The following LRRIQ1 variants were observed in gnomAD, a reference collection of about 807,000 sequenced individuals.
LRRIQ1 encodes the protein leucine-rich repeat- and IQ domain-containing protein 1.
In LRRIQ1, 210 loss-of-function variants were observed where a neutral mutation model predicts 211.9. The ratio of observed to expected loss-of-function variants is 0.99; its 90% CI spans 0.89 to 1.11. The LOEUF (loss-of-function observed/expected upper bound fraction) is 1.11, where lower values mean the gene tolerates loss of function less well. LRRIQ1 is among the 50% of genes most tolerant of loss of function. The pLI is 0.00. For synonymous variants in LRRIQ1, 699 were observed against 650.1 expected (o/e 1.08, Z -1.14); for missense variants, 2,136 against 1,939.5 (o/e 1.10, Z -1.90).
In LRRIQ1 at chr12:85,231,590, A is replaced by T. The variant is rs116069313; in HGVS notation, c.4956-1106A>T. Among the ~76,000 whole-genome samples the T allele has an allele frequency of 6.2e-3, 951 of 152,282 alleles. 7 individuals are homozygous for T. Among genetic ancestry groups the T allele is most frequent in the African/African-American group, 0.022 (917 of 41,562 alleles). ...TGAGTTGTTCAAGGAACATGGCACC[A>T]GAATCTGCTTGGTGTCTGATGCCAG... is the stretch of plus-strand genomic sequence containing the variant. On this transcript the variant is annotated intron_variant, in intron 25 of 26. Coordinates refer to ENST00000393217, the MANE Select transcript of LRRIQ1 (RefSeq NM_001079910.2).
intron 24 of LRRIQ1, among the ~76,000 whole-genome samples, chr12:85,196,459 G>A (rs1219566683): frequency 1.3e-5 from 2 of 151,990 alleles, no homozygotes; most frequent in Non-Finnish European, 2.9e-5. Context: ...AAACAGCATG[G>A]TACTGGTACC....
chr12:85,215,363 T>C (rs1894029820), intron 24 of LRRIQ1, among the ~76,000 whole-genome samples: 1 of 152,166 alleles, frequency 6.6e-6, no homozygotes, highest in Non-Finnish European at 1.5e-5. Context: ...TTCTTTTCCT[T>C]TTTAAGTTCA....
At chr12:85,226,783 G>A (rs1257580620) in intron 24 of LRRIQ1, among the ~76,000 whole-genome samples, 3 of 148,720 alleles carry the variant, frequency 2.0e-5, no homozygotes, top group Non-Finnish European at 1.5e-5. Context: ...GCGGTGTTTG[G>A]TTTTCTGTCC....
At chr12:85,257,402 A>G (rs1335805587) in intron 1 of LRRIQ1, among the ~76,000 whole-genome samples, 3 of 150,318 alleles carry the variant, frequency 2.0e-5, no homozygotes, top group East Asian at 2.0e-4. Context: ...GAGTTTGGGA[A>G]TAGACCTTTC....
intron 19 of LRRIQ1, among the ~76,000 whole-genome samples, chr12:85,146,698 T>C (rs1285313201): frequency 6.6e-6 from 1 of 151,848 alleles, no homozygotes; most frequent in East Asian, 1.9e-4. Context: ...ACCATTTTTC[T>C]AATCATTCTG....
At chr12:85,066,209 A>C (rs1379992122) in intron 9 of LRRIQ1, among the ~76,000 whole-genome samples, 1 of 151,786 alleles carries the variant, frequency 6.6e-6, no homozygotes, top group Non-Finnish European at 1.5e-5. Flanking sequence ...AATACACCAA[A>C]GTATCATTAA....
In LRRIQ1 at chr12:85,056,663, G is replaced by C; in HGVS notation, c.1870G>C (p.Val624Leu). Residue 624 changes from valine to leucine, a missense_variant, in exon 8 of 27, where the codon GTA becomes CTA. Physicochemically the swap from Val to Leu is conservative, Grantham distance 32. Transcript: ENST00000393217. ...ACTAACATCAGAAAATTCCAAAGAT[G>C]TAAGAGAAAACGTAATATTACAAGA... ...LSLTSENSKDVRENVILQEKE... is the reference protein window; with the variant it reads ...LSLTSENSKDLRENVILQEKE... The C allele has an allele frequency of 6.2e-7, 1 of 1,602,862 alleles. No homozygotes were observed.
intron 1 of LRRIQ1, among the ~76,000 whole-genome samples, chr12:85,256,367 G>T (rs1896092170): frequency 6.6e-6 from 1 of 151,512 alleles, no homozygotes; most frequent in East Asian, 1.9e-4. Flanking sequence ...TGTTTGACTT[G>T]TATTTTTGTT....
intron 13 of LRRIQ1, among the ~76,000 whole-genome samples, chr12:85,100,691 C>G (rs184103594): frequency 1.3e-4 from 19 of 151,782 alleles, no homozygotes; most frequent in Non-Finnish European, 2.4e-4. Context: ...TCTGTCAGAG[C>G]TCTTTGTACC....
At chr12:85,236,315 A>G (rs1345170363) in intron 26 of LRRIQ1, among the ~76,000 whole-genome samples, 2 of 152,184 alleles carry the variant, frequency 1.3e-5, no homozygotes, top group African/African-American at 4.8e-5. Flanking sequence ...GAAAAGGTTA[A>G]CAGGTATATG....
chr12:85,110,453 G>A (rs1887094552), intron 15 of LRRIQ1, among the ~76,000 whole-genome samples: 1 of 151,996 alleles, frequency 6.6e-6, no homozygotes, highest in African/African-American at 2.4e-5. Context: ...TCCCATAAAG[G>A]CTAAATAACT....
chr12:85,141,805 C>A (rs1192194291), intron 19 of LRRIQ1, among the ~76,000 whole-genome samples: 1 of 150,808 alleles, frequency 6.6e-6, no homozygotes, highest in African/African-American at 2.4e-5. Context: ...CATTTGTTTT[C>A]TATTTGTTCT....
rs552753037 is a variant in LRRIQ1 at position 85,092,763 on chromosome 12, G to A, written c.2888-5592G>A. On this transcript the variant is annotated intron_variant, in intron 11 of 26. Transcript: ENST00000393217. The stretch of plus-strand genomic sequence containing the variant: ...AGGAAAAACATGTAGAACAGAAGCA[G>A]TTATTGAAGGCCACCACTTTATCAA... Among the ~76,000 whole-genome samples the A allele has an allele frequency of 2.0e-5, 3 of 152,320 alleles. No individual in the cohort carries two copies. In the East Asian group the frequency reaches 5.8e-4, roughly 29 times the overall value.
the LRRIQ1 span, among the ~76,000 whole-genome samples, chr12:85,272,716 T>C: frequency 1.3e-4 from 20 of 152,130 alleles, no homozygotes; most frequent in East Asian, 2.5e-3. Context: ...AGAGAGCAAG[T>C]GTGAAGGTAA....
At chr12:85,102,944 CAAAAAAAAAA>C (rs761217598) in intron 13 of LRRIQ1, among the ~76,000 whole-genome samples, 28 of 87,710 alleles carry the variant, frequency 3.2e-4, no homozygotes, top group East Asian at 2.9e-3. Flanking sequence ...CTAATTGTGG[CAAAAAAAAAA>C]AAAAAATATA....
chr12:85,038,113 AT>A (rs1878402230), intron 1 of LRRIQ1, 39 bp from the exon 2 acceptor site: 2 of 1,298,432 alleles, frequency 1.5e-6, no homozygotes. Flanking sequence ...AGAACACATA[AT>A]TTTTAGTGAC....
chr12:85,133,258 A>T (rs1225369154), intron 18 of LRRIQ1, among the ~76,000 whole-genome samples: 1 of 152,162 alleles, frequency 6.6e-6, no homozygotes, highest in Non-Finnish European at 1.5e-5. Context: ...TATTGATAAC[A>T]ATCATAATTT....
intron 24 of LRRIQ1, among the ~76,000 whole-genome samples, chr12:85,222,054 G>C (rs979875429): frequency 2.6e-5 from 4 of 152,180 alleles, no homozygotes; most frequent in African/African-American, 9.6e-5. Context: ...TGGAAGGTGA[G>C]AGGTGAGAAA....
intron 8 of LRRIQ1, among the ~76,000 whole-genome samples, chr12:85,064,507 A>G (rs1163960803): frequency 6.6e-6 from 1 of 151,746 alleles, no homozygotes; most frequent in East Asian, 1.9e-4. Flanking sequence ...TTTGCTGTAC[A>G]GAAGCTTTTT....
Sources: allele counts gnomAD v4.1 joint callset (sites outside exome capture counted in the v4.1 genomes callset), GRCh38; gene constraint gnomAD v4.1.1; transcripts MANE v1.5; gene names NCBI Gene and HGNC (gene_info 2026-07-23, HGNC 2026-07-21).